Variants in SYNE1 observed in about 807,000 individuals in gnomAD.
SYNE1 encodes spectrin repeat containing nuclear envelope protein 1.
A neutral mutation model predicts 1,111.0 loss-of-function variants in SYNE1; 616 were observed. The ratio of observed to expected loss-of-function variants is 0.55; its 90% confidence interval spans 0.52 to 0.59. The LOEUF (loss-of-function observed/expected upper bound fraction) is 0.59, where lower values mean the gene tolerates loss of function less well. Ranked by LOEUF, SYNE1 falls within the 20% of genes least tolerant of loss-of-function variation. The pLI is 0.00. For synonymous variants in SYNE1, 3,855 were observed against 3,825.8 expected (o/e 1.01, Z -0.28); for missense variants, 10,006 against 10,417.0 (o/e 0.96, Z 1.72).
At chr6:152,577,646 GA>G (rs958216052) in intron 3 of SYNE1, among the ~76,000 whole-genome samples, 2 of 150,728 alleles carry the variant, frequency 1.3e-5, no homozygotes, top group African/African-American at 2.4e-5. Context: ...GACAACAAAA[GA>G]AAAAAAAATT....
At position 152,339,283 on chromosome 6, in the gene SYNE1, C is replaced by T. The variant is rs777914062; in HGVS notation, c.12309G>A (p.Ser4103=). The T allele has an allele frequency of 1.2e-5, 20 of 1,613,822 alleles. No homozygotes were observed. Among genetic ancestry groups the T allele is most frequent in the Middle Eastern group, 3.3e-4 (2 of 6,082 alleles). ...GAATGTCTTTTGCTGTGGTTTTCACCGAAGCATTTGACAGGTCACACATGG... is the reference window on the plus strand; with the variant it reads ...GAATGTCTTTTGCTGTGGTTTTCACTGAAGCATTTGACAGGTCACACATGG... ...LCSMCDLSNA[S]VKTTAKDIQQ... is the part of the protein sequence containing the mutation. The change falls in exon 75 of 146, where the codon TCG becomes TCA. Residue 4103 remains serine (S), a synonymous_variant. Transcript: ENST00000367255.
At chr6:152,261,675 T>C (rs947637796) in intron 101 of SYNE1, among the ~76,000 whole-genome samples, 2 of 152,232 alleles carry the variant, frequency 1.3e-5, no homozygotes, top group Non-Finnish European at 2.9e-5. Flanking sequence ...TTTGTGGAAA[T>C]CCTTCTGTCC....
chr6:152,372,389 C>T (rs963758641), intron 59 of SYNE1, among the ~76,000 whole-genome samples: 1 of 152,096 alleles, frequency 6.6e-6, no homozygotes, highest in Non-Finnish European at 1.5e-5. Context: ...TGGTCACAAA[C>T]AAATGAAGGA....
rs190604748 is a variant in SYNE1 at position 152,619,903 on chromosome 6, T to C, written c.67+8362A>G. Among the ~76,000 whole-genome samples, 162 of 152,304 alleles carry C rather than the reference T, an allele frequency of 1.1e-3. 1 individual carries two copies. Among genetic ancestry groups the C allele is most frequent in the African/African-American group, 3.6e-3 (149 of 41,572 alleles). ...GTCTAAATGGGCTCTACATAAGGTATAGAATTATATTTAACGTGTTCTTAA... is the reference window on the plus strand; with the variant it reads ...GTCTAAATGGGCTCTACATAAGGTACAGAATTATATTTAACGTGTTCTTAA... On this transcript the variant is annotated intron_variant, in intron 3 of 145. Transcript: ENST00000367255.
In SYNE1 at chr6:152,425,523, G is replaced by T. The variant is rs140005424; in HGVS notation, c.5125C>A (p.Gln1709Lys). Reference sequence around the variant, plus strand: ...AAAAGTTTGCTATAGAATGAGGCCTGGGATACAACTTCATTTTGCAGTGCC... The same window carrying T: ...AAAAGTTTGCTATAGAATGAGGCCTTGGATACAACTTCATTTTGCAGTGCC... Reference protein sequence around the residue: ...IQALQNEVVSQASFYSKLLQL... With the variant: ...IQALQNEVVSKASFYSKLLQL... The change falls in exon 39 of 146, where the codon CAG (glutamine) becomes AAG (lysine). Residue 1709 changes from glutamine (Q) to lysine (K), a missense_variant. By Grantham distance (53) the Gln-to-Lys change is moderately conservative. Around this residue, in one of 7 missense-constraint regions of SYNE1, gnomAD observed 1,971 missense variants for 2,084.1 expected, o/e 0.95. Coordinates refer to ENST00000367255, the MANE Select transcript of SYNE1 (RefSeq NM_182961.4). 144 of 1,614,150 alleles carry T rather than the reference G, an allele frequency of 8.9e-5. No individual in the cohort carries two copies. In the African/African-American group the frequency reaches 1.7e-3, roughly 19 times the overall value.
intron 38 of SYNE1, among the ~76,000 whole-genome samples, chr6:152,426,083 T>C (rs2098348545): frequency 6.6e-6 from 1 of 152,208 alleles, no homozygotes; most frequent in African/African-American, 2.4e-5. Flanking sequence ...CAGAACTCCT[T>C]CATTTTAAAA....
chr6:152,530,772 C>T (rs1324673700), intron 4 of SYNE1, among the ~76,000 whole-genome samples: 1 of 152,018 alleles, frequency 6.6e-6, no homozygotes, highest in Non-Finnish European at 1.5e-5. Context: ...CAGGCGCCCA[C>T]CACCACACCC....
At chr6:152,413,133 G>A (rs959957431) in intron 42 of SYNE1, among the ~76,000 whole-genome samples, 1 of 152,218 alleles carries the variant, frequency 6.6e-6, no homozygotes, top group African/African-American at 2.4e-5. Context: ...TTACAGGCAT[G>A]AGCCACCGTG....
chr6:152,463,384 C>T lies in SYNE1; in HGVS notation c.2066G>A (p.Arg689Gln), dbSNP rs769628070. Residue 689 changes from arginine to glutamine, a missense_variant, in exon 19 of 146, where the codon CGG (arginine) becomes CAG (glutamine). Around this residue, in one of 7 missense-constraint regions of SYNE1, gnomAD observed 1,971 missense variants for 2,084.1 expected, o/e 0.95. Coordinates refer to ENST00000367255, the MANE Select transcript of SYNE1 (RefSeq NM_182961.4). ...GACTTCCATAAACAACTCCCTCCAC[C>T]GCCCATTTAGCAACAGTAATTGCTG... ...LKQQLLLLNG[R>Q]WRELFMEVKQ... 9 of 1,613,670 alleles carry T rather than the reference C, an allele frequency of 5.6e-6. No homozygotes were observed. Among genetic ancestry groups the T allele is most frequent in the African/African-American group, 2.7e-5 (2 of 74,890 alleles).
intron 142 of SYNE1, chr6:152,133,927 C>T (rs1200646525): frequency 5.3e-6 from 1 of 187,490 alleles, no homozygotes; most frequent in Non-Finnish European, 1.1e-5. Context: ...TCATTCACAG[C>T]TTGATGCCAG....
chr6:152,129,761 C>T (rs1023061704), intron 145 of SYNE1: 2 of 152,158 alleles, frequency 1.3e-5, no homozygotes, highest in African/African-American at 2.4e-5. Flanking sequence ...GGGTTGTTTA[C>T]AGTTCTACAT....
rs549440174 is a variant in SYNE1 at position 152,525,478 on chromosome 6, G to A, written c.225+602C>T. On this transcript the variant is annotated intron_variant, in intron 5 of 145. Coordinates refer to ENST00000367255, the MANE Select transcript of SYNE1 (RefSeq NM_182961.4). ...CTACTCTGAAATGAAAAAGAGATAA[G>A]CAAGAAGAGATAATTTATTATTTGA... 4.6e-5 allele frequency among the ~76,000 whole-genome samples: 7 copies of A among 152,222 alleles called. No individual in the cohort carries two copies. The East Asian group carries it at 1.4e-3, about 29-fold the overall frequency.
At chr6:152,254,242 C>T (rs1219491273) in intron 104 of SYNE1, among the ~76,000 whole-genome samples, 5 of 111,340 alleles carry the variant, frequency 4.5e-5, no homozygotes, top group South Asian at 3.2e-4. Context: ...TTTCTGCATA[C>T]TCTTTTTTTT....
intron 44 of SYNE1, 98 bp from the exon 45 acceptor site, chr6:152,407,294 T>A: frequency 8.2e-7 from 1 of 1,221,544 alleles, no homozygotes; most frequent in Non-Finnish European, 1.2e-6. Context: ...GAAAAGTATA[T>A]TCTGACGGAC....
chr6:152,596,783 C>T (rs1157458589), intron 3 of SYNE1, among the ~76,000 whole-genome samples: 1 of 152,180 alleles, frequency 6.6e-6, no homozygotes, highest in African/African-American at 2.4e-5. Flanking sequence ...AGAGATCTTT[C>T]TTCTTATCAT....
chr6:152,366,267 G>T (rs1001575316), intron 62 of SYNE1, among the ~76,000 whole-genome samples: 1 of 152,286 alleles, frequency 6.6e-6, no homozygotes, highest in African/African-American at 2.4e-5. Context: ...AGGAGGCAGA[G>T]GTTGCGGTGA....
chr6:152,624,627 T>C (rs540351022), intron 3 of SYNE1, among the ~76,000 whole-genome samples: 1 of 152,172 alleles, frequency 6.6e-6, no homozygotes, highest in Non-Finnish European at 1.5e-5. Context: ...GCTTTTACGG[T>C]TATATTTAAA....
chr6:152,398,173 G>T (rs1200232757), intron 49 of SYNE1, among the ~76,000 whole-genome samples: 1 of 151,938 alleles, frequency 6.6e-6, no homozygotes, highest in African/African-American at 2.4e-5. Flanking sequence ...TACATTTTCA[G>T]TCAGTAAAAC....
rs117069596 is a variant in SYNE1 at position 152,247,934 on chromosome 6, C to T, written c.19572+1227G>A. Among the ~76,000 whole-genome samples, 276 of 151,576 alleles carry T rather than the reference C, an allele frequency of 1.8e-3. 2 individuals are homozygous for T. The East Asian group carries it at 0.019, about 10-fold the overall frequency. ...TCTCTATCGTCTATCCATAGATTCC[C>T]GGGAAGTTCGCTGAAATTAAATCAG... On this transcript the variant is annotated intron_variant, in intron 105 of 145. Coordinates refer to ENST00000367255, the MANE Select transcript of SYNE1 (RefSeq NM_182961.4).
Sources: allele counts gnomAD v4.1 joint callset (sites outside exome capture counted in the v4.1 genomes callset), GRCh38; gene constraint gnomAD v4.1.1; regional missense constraint gnomAD v4.1.1; transcripts MANE v1.5; gene names NCBI Gene and HGNC (gene_info 2026-07-23, HGNC 2026-07-21).